The following RFX3 variants were observed in gnomAD, a reference collection of about 807,000 sequenced individuals.
RFX3 encodes the protein regulatory factor X3.
In RFX3, 14 loss-of-function variants were observed where a neutral mutation model predicts 98.6. The observed-to-expected ratio is 0.14, with a 90% confidence interval of 0.09 to 0.22. The LOEUF (loss-of-function observed/expected upper bound fraction) is 0.22. RFX3 is among the 10% of genes least tolerant of loss of function. The pLI is 1.00. For missense variants in RFX3, 639 were observed against 926.9 expected (o/e 0.69, Z 4.03); for synonymous variants, 383 against 328.4 (o/e 1.17, Z -1.80).
chr9:3,396,557 G>A (rs888901916), intron 1 of RFX3, among the ~76,000 whole-genome samples: 2 of 152,324 alleles, frequency 1.3e-5, no homozygotes, highest in South Asian at 4.1e-4. Flanking sequence ...TATATACCCA[G>A]TAACGGGATG....
At chr9:3,231,925 A>G (rs999442082) in intron 15 of RFX3, among the ~76,000 whole-genome samples, 5 of 151,932 alleles carry the variant, frequency 3.3e-5, no homozygotes, top group Admixed American at 6.6e-5. Flanking sequence ...TTAGCTGGGC[A>G]TGGTGGCGGA....
At chr9:3,469,821 G>A (rs1451555874) in intron 1 of RFX3, among the ~76,000 whole-genome samples, 1 of 151,396 alleles carries the variant, frequency 6.6e-6, no homozygotes, top group African/African-American at 2.4e-5. Context: ...ACTCCAGCCT[G>A]GGTGACAGAG....
intron 13 of RFX3, among the ~76,000 whole-genome samples, chr9:3,259,685 C>T (rs1049256962): frequency 4.0e-5 from 6 of 151,326 alleles, no homozygotes; most frequent in African/African-American, 1.5e-4. Flanking sequence ...GAGAATTATG[C>T]CATCGTAATA....
At chr9:3,497,558 T>G (rs567298910) in intron 1 of RFX3, among the ~76,000 whole-genome samples, 32 of 152,020 alleles carry the variant, frequency 2.1e-4, no homozygotes, top group Middle Eastern at 3.4e-3. Flanking sequence ...CGAACTAGGA[T>G]GCCTCATACT....
At chr9:3,332,320 A>G (rs1587119063) in intron 3 of RFX3, among the ~76,000 whole-genome samples, 1 of 152,322 alleles carries the variant, frequency 6.6e-6, no homozygotes, top group Non-Finnish European at 1.5e-5. Context: ...TTTCATATAC[A>G]CCTTATACAC....
intron 1 of RFX3, among the ~76,000 whole-genome samples, chr9:3,429,089 C>A (rs1006275993): frequency 2.4e-4 from 36 of 147,992 alleles, no homozygotes; most frequent in South Asian, 1.0e-3. Flanking sequence ...GTGGCGCGAT[C>A]TCGGCTCACT....
intron 1 of RFX3, among the ~76,000 whole-genome samples, chr9:3,520,399 T>C (rs1263467164): frequency 6.6e-6 from 1 of 152,158 alleles, no homozygotes; most frequent in Non-Finnish European, 1.5e-5. Flanking sequence ...TTTCTAAGCT[T>C]ACTTAAGGAA....
intron 1 of RFX3, among the ~76,000 whole-genome samples, chr9:3,433,954 C>T (rs1194830782): frequency 1.3e-5 from 2 of 152,098 alleles, no homozygotes; most frequent in East Asian, 1.9e-4. Context: ...GGCAGCCAGG[C>T]GGATTTGGCA....
At chr9:3,518,187 CAAT>C (rs1258763411) in intron 1 of RFX3, among the ~76,000 whole-genome samples, 2 of 152,130 alleles carry the variant, frequency 1.3e-5, no homozygotes, top group Admixed American at 1.3e-4. Flanking sequence ...GATGTTCACA[CAAT>C]GATGAAATCA....
chr9:3,404,871 C>T (rs1385245816), intron 1 of RFX3, among the ~76,000 whole-genome samples: 3 of 152,134 alleles, frequency 2.0e-5, no homozygotes, highest in Non-Finnish European at 4.4e-5. Flanking sequence ...CAAACTTGTT[C>T]AGAAGAGTTA....
chr9:3,437,825 G>A (rs1845281180), intron 1 of RFX3, among the ~76,000 whole-genome samples: 1 of 151,954 alleles, frequency 6.6e-6, no homozygotes, highest in Non-Finnish European at 1.5e-5. Flanking sequence ...CTCTCTCCAT[G>A]TCAGATGGCA....
intron 7 of RFX3, among the ~76,000 whole-genome samples, chr9:3,277,783 G>A (rs934461460): frequency 1.3e-5 from 2 of 151,964 alleles, no homozygotes; most frequent in Admixed American, 6.6e-5. Context: ...TACACAGCTT[G>A]AAAGTAACTT....
chr9:3,292,820 T>C (rs1441532190), intron 6 of RFX3, among the ~76,000 whole-genome samples: 1 of 152,188 alleles, frequency 6.6e-6, no homozygotes, highest in Non-Finnish European at 1.5e-5. Flanking sequence ...GTTGGTCTGC[T>C]AATTTCTATG....
chr9:3,379,381 A>G (rs1838922074), intron 2 of RFX3, among the ~76,000 whole-genome samples: 1 of 152,192 alleles, frequency 6.6e-6, no homozygotes, highest in Non-Finnish European at 1.5e-5. Context: ...GGTATAAACA[A>G]TGACAGTGTG....
At chr9:3,424,095 T>A (rs188978062) in intron 1 of RFX3, among the ~76,000 whole-genome samples, 1 of 149,608 alleles carries the variant, frequency 6.7e-6, no homozygotes, top group Non-Finnish European at 1.5e-5. Flanking sequence ...TGCAGTGAGC[T>A]GAGATCGCGC....
chr9:3,276,174 A>G (rs941469493), intron 8 of RFX3, among the ~76,000 whole-genome samples: 2 of 152,084 alleles, frequency 1.3e-5, no homozygotes, highest in Non-Finnish European at 2.9e-5. Flanking sequence ...GCAGCACAGG[A>G]TCTTTTGGGT....
chr9:3,360,633 C>T (rs539420435), intron 2 of RFX3, among the ~76,000 whole-genome samples: 2 of 152,184 alleles, frequency 1.3e-5, no homozygotes, highest in East Asian at 3.9e-4. Context: ...TATATGGAAG[C>T]ACCTCATATT....
At chr9:3,384,796 C>T (rs150405835) in intron 2 of RFX3, among the ~76,000 whole-genome samples, 159 of 152,288 alleles carry the variant, frequency 1.0e-3, no homozygotes, top group African/African-American at 3.8e-3. Flanking sequence ...TTACCACACC[C>T]TTCCCACGCT....
chr9:3,467,373 T>G (rs896052073), intron 1 of RFX3, among the ~76,000 whole-genome samples: 2 of 150,084 alleles, frequency 1.3e-5, no homozygotes, highest in African/African-American at 4.9e-5. Flanking sequence ...AGCCAAGGCT[T>G]TCTTTCAAGG....
Sources: gnomAD v4.1 joint callset for allele counts (sites outside exome capture counted in the v4.1 genomes callset) on GRCh38, gnomAD v4.1.1 for gene constraint, MANE v1.5 for transcripts, NCBI Gene and HGNC (gene_info 2026-07-23, HGNC 2026-07-21) for gene names.